The following SLC14A2 variants were observed in gnomAD, a reference collection of about 807,000 sequenced individuals.
The protein encoded by SLC14A2 is solute carrier family 14 member 2.
SLC14A2 carries 91 observed loss-of-function variants against 104.6 expected under a neutral mutation model. That is an observed-to-expected ratio of 0.87 (90% CI 0.73 to 1.04). SLC14A2 has a LOEUF of 1.04. Among genes scored for constraint, SLC14A2 ranks in the 50% least tolerant of loss-of-function variants. The pLI, the probability that SLC14A2 is intolerant of heterozygous loss-of-function variation, is 0.00. For missense variants in SLC14A2, 1,189 were observed against 1,156.0 expected (o/e 1.03, Z -0.41); for synonymous variants, 476 against 466.4 (o/e 1.02, Z -0.27).
chr18:45,609,654 C>T (rs1328462628), intron 2 of SLC14A2, among the ~76,000 whole-genome samples: 5 of 152,134 alleles, frequency 3.3e-5, no homozygotes, highest in South Asian at 2.1e-4. Flanking sequence ...AATCAATAAC[C>T]GATCTGTCTC....
chr18:45,562,750 G>A (rs1257648905), intron 2 of SLC14A2, among the ~76,000 whole-genome samples: 1 of 152,188 alleles, frequency 6.6e-6, no homozygotes, highest in African/African-American at 2.4e-5. Flanking sequence ...GGGATGCTGA[G>A]CTCTGGCCCC....
intron 16 of SLC14A2, among the ~76,000 whole-genome samples, chr18:45,671,320 G>T (rs1053072994): frequency 5.3e-5 from 8 of 152,122 alleles, no homozygotes; most frequent in African/African-American, 1.7e-4. Context: ...ATTCAATTTT[G>T]TGGCATTATT....
intron 1 of SLC14A2, among the ~76,000 whole-genome samples, chr18:45,251,042 T>C (rs1331640201): frequency 6.6e-6 from 1 of 152,194 alleles, no homozygotes; most frequent in Admixed American, 6.5e-5. Context: ...AATTTTTTAT[T>C]TCCATAGGTT....
chr18:45,584,192 GT>G (rs1403612575), intron 2 of SLC14A2, among the ~76,000 whole-genome samples: 1 of 152,112 alleles, frequency 6.6e-6, no homozygotes, highest in Non-Finnish European at 1.5e-5. Flanking sequence ...TGGCCACCAT[GT>G]TTTTTTAAGA....
intron 2 of SLC14A2, among the ~76,000 whole-genome samples, chr18:45,506,523 A>G (rs1170673771): frequency 1.3e-5 from 2 of 152,218 alleles, no homozygotes; most frequent in African/African-American, 4.8e-5. Flanking sequence ...AATCCTAGAT[A>G]GGGCGGACCC....
chr18:45,414,624 A>G (rs1007553309), intron 1 of SLC14A2, among the ~76,000 whole-genome samples: 1 of 151,352 alleles, frequency 6.6e-6, no homozygotes, highest in African/African-American at 2.4e-5. Context: ...TTGGGCATTC[A>G]TGCAATCCAC....
At chr18:45,613,235 C>A (rs376234824), upstream of SLC14A2, among the ~76,000 whole-genome samples, 2 of 152,034 alleles carry the variant, frequency 1.3e-5, no homozygotes, top group Non-Finnish European at 2.9e-5. Context: ...GGGGTTTCAC[C>A]GTGGTCTTGA....
In SLC14A2 at chr18:45,668,352, G is replaced by A. The variant is rs376359257; in HGVS notation, c.1911G>A (p.Ser637=). ...LTALILSQDK[S]AIAAGFHGYN... ...CTGACCCTCCCTCTCCTGCCAGGTCGGCCATCGCTGCAGGATTTCACGGCT... is the reference window on the plus strand; with the variant it reads ...CTGACCCTCCCTCTCCTGCCAGGTCAGCCATCGCTGCAGGATTTCACGGCT... Residue 637 remains serine, a synonymous_variant, in exon 15 of 20, where the codon TCG becomes TCA. Transcript: ENST00000255226. The A allele has an allele frequency of 5.7e-5, 92 of 1,613,838 alleles. No individual in the cohort carries two copies. The highest frequency in any genetic ancestry group is 8.3e-5 in the Admixed American group (5 of 60,000).
chr18:45,357,499 G>A (rs1283107450), intron 1 of SLC14A2, among the ~76,000 whole-genome samples: 1 of 152,038 alleles, frequency 6.6e-6, no homozygotes, highest in African/African-American at 2.4e-5. Context: ...CGTGAGCCCA[G>A]GAATTTGAGG....
chr18:45,461,485 A>G (rs370088915), intron 1 of SLC14A2, among the ~76,000 whole-genome samples: 4 of 152,288 alleles, frequency 2.6e-5, no homozygotes, highest in African/African-American at 9.6e-5. Context: ...TTAGAACCTC[A>G]TCTATTTTAT....
Position 45,682,342 on chromosome 18 carries a change from G to A in SLC14A2, c.2586G>A (p.Trp862Ter). The A allele has an allele frequency of 6.2e-7, 1 of 1,614,062 alleles. No homozygotes were observed. Among genetic ancestry groups the A allele is most frequent in the South Asian group, 1.1e-5 (1 of 91,062 alleles). ...LSVFGLPPCT[W>*]PFCLSALTFL... The stretch of plus-strand genomic sequence containing the variant: ...AGTTTGGATTGCCGCCCTGCACTTG[G>A]CCCTTCTGTCTCTCAGCTCTCACCT... Residue 862 changes from tryptophan to a stop codon, truncating the protein, a stop_gained, in exon 20 of 20, where the codon TGG becomes TGA. Coordinates refer to ENST00000255226, the MANE Select transcript of SLC14A2 (RefSeq NM_007163.4). LOFTEE classifies it high-confidence loss of function.
At chr18:45,644,979 G>A (rs1003455019) in intron 10 of SLC14A2, among the ~76,000 whole-genome samples, 2 of 152,018 alleles carry the variant, frequency 1.3e-5, no homozygotes, top group Middle Eastern at 3.2e-3. Context: ...TAAGCCCCAC[G>A]TGCATTAGGT....
chr18:45,292,052 T>A (rs906284831), intron 1 of SLC14A2, among the ~76,000 whole-genome samples: 1 of 152,212 alleles, frequency 6.6e-6, no homozygotes, highest in Non-Finnish European at 1.5e-5. Flanking sequence ...GTGTATGCAC[T>A]GTATTAGAGC....
intron 19 of SLC14A2, among the ~76,000 whole-genome samples, chr18:45,681,316 G>A (rs1478540049): frequency 4.3e-4 from 1 of 2,324 alleles, no homozygotes; most frequent in African/African-American, 4.4e-4. Context: ...CGCCCGCCTC[G>A]GCCTCCCAAA....
the SLC14A2 span, among the ~76,000 whole-genome samples, chr18:45,172,602 A>G: frequency 6.6e-6 from 1 of 152,106 alleles, no homozygotes; most frequent in Non-Finnish European, 1.5e-5. Flanking sequence ...TAAAAGCTAT[A>G]GCTGAGGAGA....
At chr18:45,362,540 A>G (rs2085622900) in intron 1 of SLC14A2, among the ~76,000 whole-genome samples, 1 of 152,236 alleles carries the variant, frequency 6.6e-6, no homozygotes, top group South Asian at 2.1e-4. Flanking sequence ...AGACAAAGTG[A>G]CATGCCCAGA....
At chr18:45,405,716 G>A (rs2086146843) in intron 1 of SLC14A2, among the ~76,000 whole-genome samples, 1 of 151,994 alleles carries the variant, frequency 6.6e-6, no homozygotes, top group Non-Finnish European at 1.5e-5. Flanking sequence ...CAGCCTCATG[G>A]TGAAACCCTG....
chr18:45,606,517 C>G (rs2044871428), intron 2 of SLC14A2, among the ~76,000 whole-genome samples: 1 of 152,128 alleles, frequency 6.6e-6, no homozygotes, highest in African/African-American at 2.4e-5. Flanking sequence ...GAACCCACCA[C>G]TGTATTCTAG....
chr18:45,265,322 T>C (rs1224420305), intron 1 of SLC14A2, among the ~76,000 whole-genome samples: 1 of 152,100 alleles, frequency 6.6e-6, no homozygotes, highest in Non-Finnish European at 1.5e-5. Context: ...GTGAAGCAAA[T>C]TTCGGTAAGA....
Sources: allele counts gnomAD v4.1 joint callset (sites outside exome capture counted in the v4.1 genomes callset), GRCh38; gene constraint gnomAD v4.1.1; transcripts MANE v1.5; gene names NCBI Gene and HGNC (gene_info 2026-07-23, HGNC 2026-07-21).